The following SHQ1 variants were observed in gnomAD, a reference collection of about 807,000 sequenced individuals.
SHQ1 encodes protein SHQ1 homolog.
A neutral mutation model predicts 53.8 loss-of-function variants in SHQ1; 49 were observed. The ratio of observed to expected loss-of-function variants is 0.91; its 90% CI spans 0.72 to 1.16. SHQ1 has a LOEUF of 1.16. Among genes scored for constraint, SHQ1 ranks in the 50% most tolerant of loss-of-function variants. The probability of loss-of-function intolerance (pLI) is 0.00; values close to 1 mark genes in which losing one functional copy is unlikely to be tolerated. For synonymous variants in SHQ1, 243 were observed against 251.0 expected (o/e 0.97, Z 0.30); for missense variants, 738 against 683.1 (o/e 1.08, Z -0.90).
chr3:72,756,582 T>C (rs62251645), intron 10 of SHQ1, among the ~76,000 whole-genome samples: 35,484 of 152,152 alleles, frequency 0.23, 4,340 homozygotes, highest in Non-Finnish European at 0.25. Context: ...CCTGGCTAGT[T>C]ACATGTTTTA....
chr3:72,812,920 A>T, intron 8 of SHQ1, 126 bp from the exon 9 acceptor site: 1 of 949,374 alleles, frequency 1.1e-6, no homozygotes, highest in Non-Finnish European at 1.6e-6. Context: ...AGCCAAGTAG[A>T]AGAGAAACAT....
intron 10 of SHQ1, among the ~76,000 whole-genome samples, chr3:72,777,054 TCC>T (rs1705972146): frequency 6.6e-6 from 1 of 152,152 alleles, no homozygotes; most frequent in Admixed American, 6.5e-5. Context: ...AAAAATCTAT[TCC>T]AGGTGGACTA....
chr3:72,834,331 C>T (rs1254760875), intron 4 of SHQ1, among the ~76,000 whole-genome samples: 2 of 152,182 alleles, frequency 1.3e-5, no homozygotes, highest in East Asian at 3.8e-4. Flanking sequence ...GAGTTCAAGA[C>T]CAGTCTGGCC....
At chr3:72,817,114 C>G in intron 7 of SHQ1, 116 bp downstream of exon 7, 1 of 1,115,580 alleles carries the variant, frequency 9.0e-7, no homozygotes, top group Middle Eastern at 3.2e-4. Flanking sequence ...CTGCTGGGGG[C>G]ATCCCCTGAA....
the SHQ1 span, among the ~76,000 whole-genome samples, chr3:72,730,039 C>T: frequency 6.6e-6 from 1 of 152,004 alleles, no homozygotes; most frequent in African/African-American, 2.4e-5. Flanking sequence ...AGGATGGTCT[C>T]GATCTCCTGA....
At chr3:72,731,687 CAA>C in the SHQ1 span, among the ~76,000 whole-genome samples, 11 of 108,612 alleles carry the variant, frequency 1.0e-4, no homozygotes, top group Non-Finnish European at 9.7e-5. Flanking sequence ...GACTCCGTTT[CAA>C]AAAAAAAAAA....
At chr3:72,822,939 G>A (rs1012011611) in intron 6 of SHQ1, among the ~76,000 whole-genome samples, 1 of 152,086 alleles carries the variant, frequency 6.6e-6, no homozygotes, top group Non-Finnish European at 1.5e-5. Flanking sequence ...CACAAGGTCA[G>A]GAGATCGAGA....
At chr3:72,795,652 T>G (rs1706586154) in intron 9 of SHQ1, 1 of 152,208 alleles carries the variant, frequency 6.6e-6, no homozygotes, top group Non-Finnish European at 1.5e-5. Context: ...AAGGAGTTAG[T>G]TTTAGAACTA....
intron 10 of SHQ1, among the ~76,000 whole-genome samples, chr3:72,776,387 G>A (rs1175593419): frequency 3.3e-5 from 5 of 152,114 alleles, no homozygotes; most frequent in African/African-American, 9.7e-5. Flanking sequence ...GTCACATGCT[G>A]TACAGGTTTG....
chr3:72,841,285 A>G (rs914273039), intron 3 of SHQ1, 86 bp from the exon 4 acceptor site: 18 of 1,030,924 alleles, frequency 1.7e-5, no homozygotes, highest in Middle Eastern at 3.0e-4. Context: ...AATGCCCACA[A>G]AGATGTACCA....
intron 6 of SHQ1, among the ~76,000 whole-genome samples, chr3:72,818,313 C>T (rs777941302): frequency 3.9e-5 from 6 of 152,096 alleles, no homozygotes; most frequent in Non-Finnish European, 8.8e-5. Flanking sequence ...TGGGCACTCA[C>T]TTTGCTTCTA....
chr3:72,781,094 C>CT (rs1706062114), intron 10 of SHQ1, among the ~76,000 whole-genome samples: 1 of 145,530 alleles, frequency 6.9e-6, no homozygotes. Flanking sequence ...CAGTCTCACT[C>CT]TGTCACCCAG....
chr3:72,825,081 G>C (rs1707607442), intron 5 of SHQ1, among the ~76,000 whole-genome samples: 2 of 151,952 alleles, frequency 1.3e-5, no homozygotes, highest in African/African-American at 2.4e-5. Context: ...GGGATTACAG[G>C]CTTGACCCAC....
Position 72,750,853 on chromosome 3 carries a change from A to G in SHQ1, c.1182-17T>C. On this transcript the variant is annotated splice_polypyrimidine_tract_variant and intron_variant, in intron 10 of 10. Transcript: ENST00000325599. ...TTTTTGGATCTTGAAAACATTTTAA[A>G]AAGAAAGATTAGAATTATTTATTAA... The G allele has an allele frequency of 6.7e-7, 1 of 1,490,930 alleles. No homozygotes were observed. The highest frequency in any genetic ancestry group is 1.4e-5 in the African/African-American group (1 of 70,468). 92.4% of individuals were successfully genotyped at this position (1,490,930 alleles called of 1,614,324 possible).
intron 10 of SHQ1, among the ~76,000 whole-genome samples, chr3:72,759,520 G>C (rs1705569264): frequency 6.6e-6 from 1 of 152,082 alleles, no homozygotes. Flanking sequence ...GGGAAATCCT[G>C]TCTCTACTAA....
intron 10 of SHQ1, among the ~76,000 whole-genome samples, chr3:72,772,270 G>C (rs889807009): frequency 6.6e-6 from 1 of 151,996 alleles, no homozygotes; most frequent in African/African-American, 2.4e-5. Flanking sequence ...GAAATAGTGA[G>C]TTCATCTACT....
chr3:72,846,145 A>G, intron 1 of SHQ1: 1 of 1,443,674 alleles, frequency 6.9e-7, no homozygotes, highest in Non-Finnish European at 9.4e-7. Flanking sequence ...TATTATTACC[A>G]GCTCCCTTCC....
At chr3:72,780,164 T>C (rs988297935) in intron 10 of SHQ1, among the ~76,000 whole-genome samples, 1 of 152,218 alleles carries the variant, frequency 6.6e-6, no homozygotes, top group Non-Finnish European at 1.5e-5. Flanking sequence ...TCTGAAACCA[T>C]GGATCACAAT....
chr3:72,732,231 G>C, the SHQ1 span, among the ~76,000 whole-genome samples: 1 of 151,426 alleles, frequency 6.6e-6, no homozygotes, highest in African/African-American at 2.4e-5. Context: ...GAGGTGCCCT[G>C]GGCAGCTTCC....
Sources: gnomAD v4.1 joint callset for allele counts (sites outside exome capture counted in the v4.1 genomes callset) on GRCh38, gnomAD v4.1.1 for gene constraint, MANE v1.5 for transcripts, NCBI Gene and HGNC (gene_info 2026-07-23, HGNC 2026-07-21) for gene names.